Variants in PRICKLE2 observed in about 807,000 individuals in gnomAD.
The protein encoded by PRICKLE2 is prickle planar cell polarity protein 2.
PRICKLE2 carries 21 observed loss-of-function variants against 81.4 expected under a neutral mutation model. The observed-to-expected ratio is 0.26, with a 90% CI of 0.18 to 0.37. The LOEUF is 0.37. Among genes scored for constraint, PRICKLE2 ranks in the 10% least tolerant of loss-of-function variants. The pLI is 1.00. For synonymous variants in PRICKLE2, 456 were observed against 421.5 expected (o/e 1.08, Z -1.00); for missense variants, 940 against 1,109.0 (o/e 0.85, Z 2.16).
At chr3:64,138,948 CAGA>C (rs1447611895) in intron 7 of PRICKLE2, among the ~76,000 whole-genome samples, 33 of 152,234 alleles carry the variant, frequency 2.2e-4, no homozygotes, top group African/African-American at 8.0e-4. Context: ...CCAAGTTATG[CAGA>C]AGAATAGACC....
chr3:64,204,117 C>T (rs1017662321), intron 1 of PRICKLE2, among the ~76,000 whole-genome samples: 1 of 152,186 alleles, frequency 6.6e-6, no homozygotes, highest in African/African-American at 2.4e-5. Flanking sequence ...ACAAAGATCC[C>T]TGCCCTCTTG....
intron 1 of PRICKLE2, among the ~76,000 whole-genome samples, chr3:64,220,984 C>A (rs920133187): frequency 6.6e-6 from 1 of 152,128 alleles, no homozygotes; most frequent in Non-Finnish European, 1.5e-5. Context: ...AGTGCTTAGT[C>A]ATAAGGAGGG....
intron 7 of PRICKLE2, among the ~76,000 whole-genome samples, chr3:64,141,621 T>A (rs1353055885): frequency 6.6e-6 from 1 of 152,194 alleles, no homozygotes; most frequent in Admixed American, 6.5e-5. Context: ...CCTGAGTCAC[T>A]CCGTGTAAGC....
intron 1 of PRICKLE2, among the ~76,000 whole-genome samples, chr3:64,207,523 G>C (rs1032871680): frequency 6.6e-6 from 1 of 152,106 alleles, no homozygotes; most frequent in African/African-American, 2.4e-5. Context: ...CAAGACATGA[G>C]CCAGAGCCAC....
At chr3:64,209,731 G>A (rs1177079273) in intron 1 of PRICKLE2, among the ~76,000 whole-genome samples, 1 of 152,234 alleles carries the variant, frequency 6.6e-6, no homozygotes, top group Non-Finnish European at 1.5e-5. Context: ...CAACATGCCT[G>A]CCTTCGTGGA....
intron 2 of PRICKLE2, among the ~76,000 whole-genome samples, chr3:64,249,844 G>T (rs1009930288): frequency 6.6e-6 from 1 of 152,128 alleles, no homozygotes; most frequent in Non-Finnish European, 1.5e-5. Context: ...CTAGTATAGC[G>T]CCTTGCACAC....
At chr3:64,167,373 G>A (rs532075685) in intron 2 of PRICKLE2, among the ~76,000 whole-genome samples, 2 of 152,126 alleles carry the variant, frequency 1.3e-5, no homozygotes, top group Non-Finnish European at 1.5e-5. Flanking sequence ...CCAGATAAAG[G>A]TGCCCTGTGA....
In PRICKLE2 at chr3:64,119,539, T is replaced by A. The variant is rs11927804; in HGVS notation, c.1661-19614A>T. On this transcript the variant is annotated intron_variant, in intron 7 of 7. Coordinates refer to ENST00000638394, the MANE Select transcript of PRICKLE2 (RefSeq NM_198859.4). ...CTCATACCAGTCAGAATGGCTACTA[T>A]TAAAAAGTCAAAAAACAACAGATGC... 6.0e-3 allele frequency among the ~76,000 whole-genome samples: 911 copies of A among 152,172 alleles called. 10 individuals are homozygous for A. Among genetic ancestry groups the A allele is most frequent in the African/African-American group, 0.021 (880 of 41,522 alleles).
intron 4 of PRICKLE2, among the ~76,000 whole-genome samples, chr3:64,158,812 C>T (rs190613314): frequency 6.6e-6 from 1 of 152,134 alleles, no homozygotes; most frequent in East Asian, 1.9e-4. Flanking sequence ...GCTACCCCAT[C>T]CCATATAACT....
intron 2 of PRICKLE2, among the ~76,000 whole-genome samples, chr3:64,262,557 G>A (rs1213497635): frequency 4.6e-5 from 7 of 151,864 alleles, no homozygotes; most frequent in South Asian, 2.1e-4. Flanking sequence ...GCTGGATGGC[G>A]TCAACAAGGG....
intron 2 of PRICKLE2, among the ~76,000 whole-genome samples, chr3:64,247,529 G>T (rs2079376215): frequency 6.6e-6 from 1 of 152,142 alleles, no homozygotes; most frequent in African/African-American, 2.4e-5. Flanking sequence ...GGCTTTAATT[G>T]TAGGTGGATT....
At chr3:64,210,579 T>C (rs2078770175) in intron 1 of PRICKLE2, among the ~76,000 whole-genome samples, 1 of 152,148 alleles carries the variant, frequency 6.6e-6, no homozygotes, top group Non-Finnish European at 1.5e-5. Context: ...TGCTTCTCTC[T>C]CCCAGGGGTT....
At chr3:64,187,352 A>C (rs17070094) in intron 2 of PRICKLE2, among the ~76,000 whole-genome samples, 36,473 of 152,164 alleles carry the variant, frequency 0.24, 4,781 homozygotes, top group African/African-American at 0.33. Flanking sequence ...CTTCCCAAGA[A>C]GAGTGAGGTG....
intron 2 of PRICKLE2, among the ~76,000 whole-genome samples, chr3:64,192,327 C>T (rs1310778200): frequency 6.6e-6 from 1 of 152,138 alleles, no homozygotes; most frequent in Non-Finnish European, 1.5e-5. Context: ...AAGATTCCTG[C>T]CCTCCTGGGC....
At chr3:64,122,164 G>A (rs2106969393) in intron 7 of PRICKLE2, among the ~76,000 whole-genome samples, 1 of 152,264 alleles carries the variant, frequency 6.6e-6, no homozygotes, top group East Asian at 1.9e-4. Context: ...CACTTAGGAG[G>A]TTCCTAGATA....
intron 2 of PRICKLE2, among the ~76,000 whole-genome samples, chr3:64,177,122 A>T (rs2078038247): frequency 1.8e-5 from 2 of 112,886 alleles, no homozygotes; most frequent in East Asian, 2.6e-4. Flanking sequence ...TTGCCATTTT[A>T]ACCTTTTTTT....
chr3:64,184,411 C>T (rs1431469799), intron 2 of PRICKLE2, among the ~76,000 whole-genome samples: 1 of 152,174 alleles, frequency 6.6e-6, no homozygotes, highest in Non-Finnish European at 1.5e-5. Context: ...AGAAAGACCA[C>T]AGAAAATGGT....
chr3:64,140,941 G>T (rs769196993), intron 7 of PRICKLE2, among the ~76,000 whole-genome samples: 34 of 152,152 alleles, frequency 2.2e-4, no homozygotes, highest in Non-Finnish European at 7.3e-5. Flanking sequence ...TTCTTGTGAG[G>T]AATATCAGGC....
intron 2 of PRICKLE2, among the ~76,000 whole-genome samples, chr3:64,190,814 T>A (rs1266229744): frequency 6.6e-6 from 1 of 152,148 alleles, no homozygotes; most frequent in African/African-American, 2.4e-5. Context: ...ATATTCTTTG[T>A]GGGAAGACTC....
Sources: allele counts gnomAD v4.1 joint callset (sites outside exome capture counted in the v4.1 genomes callset), GRCh38; gene constraint gnomAD v4.1.1; transcripts MANE v1.5; gene names NCBI Gene and HGNC (gene_info 2026-07-23, HGNC 2026-07-21).